Variants in COL4A2 observed in about 807,000 individuals in gnomAD.
The protein encoded by COL4A2 is collagen alpha-2(IV) chain.
COL4A2 carries 99 observed loss-of-function variants against 200.2 expected under a neutral mutation model. That is an observed-to-expected ratio of 0.49 (90% CI 0.42 to 0.58). The LOEUF (loss-of-function observed/expected upper bound fraction) is 0.58. Among genes scored for constraint, COL4A2 ranks in the 20% least tolerant of loss-of-function variants. The probability of loss-of-function intolerance (pLI) is 0.00; values close to 1 mark genes in which losing one functional copy is unlikely to be tolerated. For missense variants in COL4A2, 1,950 were observed against 2,314.1 expected, an observed-to-expected ratio of 0.84 and a Z score of 3.23; for synonymous variants, 897 against 900.6, an observed-to-expected ratio of 1.00 and a Z score of 0.07.
chr13:110,376,681 T>G (rs948911797), intron 4 of COL4A2, among the ~76,000 whole-genome samples: 3 of 152,192 alleles, frequency 2.0e-5, no homozygotes, highest in Non-Finnish European at 4.4e-5. Context: ...CAGATGCTAG[T>G]TCTGCAGGCC....
intron 3 of COL4A2, among the ~76,000 whole-genome samples, chr13:110,354,757 A>G (rs1877117973): frequency 6.6e-6 from 1 of 152,136 alleles, no homozygotes; most frequent in African/African-American, 2.4e-5. Context: ...GAAAGAAAAA[A>G]AAAATCACCC....
Position 110,480,425 on chromosome 13 carries a change from G to A in COL4A2, c.2758+35G>A, listed in dbSNP as rs185865259. ...TGACTGTGACCAGGGATCCCTTGGC[G>A]GGGAGGTTGGGTCTAATCAACTCTG... On this transcript the variant is annotated intron_variant, in intron 31 of 47. Coordinates refer to ENST00000360467, the MANE Select transcript of COL4A2 (RefSeq NM_001846.4). 195 of 1,580,048 alleles carry A rather than the reference G, an allele frequency of 1.2e-4. No homozygotes were observed. The Middle Eastern group carries it at 2.9e-3, about 23-fold the overall frequency.
At chr13:110,378,468 C>A (rs1336355602) in intron 4 of COL4A2, among the ~76,000 whole-genome samples, 1 of 152,232 alleles carries the variant, frequency 6.6e-6, no homozygotes, top group Non-Finnish European at 1.5e-5. Context: ...TGAGACAGAA[C>A]CAGGCCCTTT....
chr13:110,322,841 A>T (rs968451225), intron 3 of COL4A2, among the ~76,000 whole-genome samples: 1 of 152,220 alleles, frequency 6.6e-6, no homozygotes, highest in African/African-American at 2.4e-5. Context: ...TCAGTGTGTT[A>T]TTTAACTCTT....
rs559962687 is a variant in COL4A2 at position 110,379,720 on chromosome 13, A to G, written c.180+22168A>G. 3.2e-4 allele frequency among the ~76,000 whole-genome samples: 48 copies of G among 152,236 alleles called. 1 individual carries two copies. Among genetic ancestry groups the G allele is most frequent in the African/African-American group, 1.1e-3 (45 of 41,558 alleles). ...GCACATTAGTTAATCTCTTGGCACC[A>G]CCGTGTTTTATCTCTAAAATGGCAG... On this transcript the variant is annotated intron_variant, in intron 4 of 47. Coordinates refer to ENST00000360467, the MANE Select transcript of COL4A2 (RefSeq NM_001846.4).
At chr13:110,324,917 G>GGAA (rs1885367597) in intron 3 of COL4A2, among the ~76,000 whole-genome samples, 1 of 152,196 alleles carries the variant, frequency 6.6e-6, no homozygotes, top group South Asian at 2.1e-4. Flanking sequence ...TTGGTTCTTT[G>GGAA]GAAGGGTTAA....
chr13:110,472,113 CTTTTTA>C (rs1425799262), intron 28 of COL4A2, among the ~76,000 whole-genome samples: 9 of 145,962 alleles, frequency 6.2e-5, no homozygotes, highest in Admixed American at 5.4e-4. Flanking sequence ...TTTCTTTTTT[CTTTTTA>C]TTTTTTTCTC....
intron 3 of COL4A2, among the ~76,000 whole-genome samples, chr13:110,319,908 T>C (rs768521679): frequency 3.3e-5 from 5 of 152,204 alleles, no homozygotes; most frequent in Non-Finnish European, 7.3e-5. Flanking sequence ...CTCCTTCCTG[T>C]TGTAAAACAA....
chr13:110,336,297 G>A (rs959638398), intron 3 of COL4A2, among the ~76,000 whole-genome samples: 22 of 152,180 alleles, frequency 1.4e-4, no homozygotes, highest in African/African-American at 3.6e-4. Context: ...TCATAATGGC[G>A]CTGCACTCGG....
intron 15 of COL4A2, among the ~76,000 whole-genome samples, chr13:110,439,104 G>A (rs1301931775): frequency 1.3e-5 from 2 of 152,118 alleles, no homozygotes; most frequent in African/African-American, 4.8e-5. Flanking sequence ...AGGGGTCACC[G>A]TCCACGGTGA....
chr13:110,449,798 G>C lies in COL4A2; in HGVS notation c.1189+9G>C, dbSNP rs1881466483. On this transcript the variant is annotated intron_variant, in intron 19 of 47. Coordinates refer to ENST00000360467, the MANE Select transcript of COL4A2 (RefSeq NM_001846.4). ...CTCCATCGGAGATGGAGGTAATGTG[G>C]CTTCATAATATCAACACCGGAGACC... 3 of 1,546,322 alleles carry C rather than the reference G, an allele frequency of 1.9e-6. No homozygotes were observed. The highest frequency in any genetic ancestry group is 2.7e-5 in the African/African-American group (2 of 72,774).
intron 3 of COL4A2, among the ~76,000 whole-genome samples, chr13:110,333,524 G>T (rs1453717591): frequency 6.6e-6 from 1 of 152,108 alleles, no homozygotes; most frequent in Non-Finnish European, 1.5e-5. Flanking sequence ...TCTCTTCATG[G>T]GGGCGATTTC....
chr13:110,456,467 TG>T (rs1206006009), intron 20 of COL4A2: 3 of 322,944 alleles, frequency 9.3e-6, no homozygotes, highest in Non-Finnish European at 1.8e-5. Flanking sequence ...CCAAGTTACA[TG>T]ATCAAAAAAT....
chr13:110,512,047 C>T lies in COL4A2; in HGVS notation c.4995C>T (p.Cys1665=), dbSNP rs775925591. The T allele has an allele frequency of 3.1e-6, 5 of 1,613,804 alleles. No individual in the cohort carries two copies. The South Asian group carries it at 5.5e-5, about 18-fold the overall frequency. The change falls in exon 48 of 48, where the codon TGC becomes TGT. Residue 1665 remains cysteine, a synonymous_variant. Transcript: ENST00000360467. ...FIECNGGRGT[C]HYYANKYSFW... ...AATGCAATGGAGGCCGCGGCACCTG[C>T]CACTACTACGCCAACAAGTACAGCT...
chr13:110,504,141 C>T lies in COL4A2; in HGVS notation c.4286-7C>T. The T allele has an allele frequency of 6.2e-7, 1 of 1,613,256 alleles. No homozygotes were observed. Among genetic ancestry groups the T allele is most frequent in the Non-Finnish European group, 8.5e-7 (1 of 1,179,194 alleles). On this transcript the variant is annotated splice_polypyrimidine_tract_variant and splice_region_variant and intron_variant, in intron 44 of 47. Transcript: ENST00000360467. Reference sequence around the variant, plus strand: ...TCCAGCCATAACGCTTCTTTGGTGGCTTGCAGGTTTCCGTGGGGCTCCAGG... The same window carrying T: ...TCCAGCCATAACGCTTCTTTGGTGGTTTGCAGGTTTCCGTGGGGCTCCAGG...
intron 3 of COL4A2, among the ~76,000 whole-genome samples, chr13:110,354,374 C>G (rs1418797039): frequency 6.6e-6 from 1 of 152,138 alleles, no homozygotes; most frequent in Non-Finnish European, 1.5e-5. Flanking sequence ...AGTTGGATTT[C>G]TAGAAATCAC....
At chr13:110,324,731 C>G (rs1594146350) in intron 3 of COL4A2, among the ~76,000 whole-genome samples, 1 of 152,096 alleles carries the variant, frequency 6.6e-6, no homozygotes, top group South Asian at 2.1e-4. Flanking sequence ...CTTCTGGCCT[C>G]GGGATTGTTT....
At chr13:110,481,949 G>A (rs1391788217) in intron 31 of COL4A2, among the ~76,000 whole-genome samples, 2 of 97,252 alleles carry the variant, frequency 2.1e-5, no homozygotes, top group Admixed American at 1.9e-4. Context: ...CTGTCCCTCC[G>A]TGCTGGAGAC....
At chr13:110,333,822 C>T (rs1404767679) in intron 3 of COL4A2, among the ~76,000 whole-genome samples, 3 of 152,218 alleles carry the variant, frequency 2.0e-5, no homozygotes, top group Non-Finnish European at 4.4e-5. Flanking sequence ...AGAGCTCTTA[C>T]CTTGTGTGAT....
Sources: allele counts gnomAD v4.1 joint callset (sites outside exome capture counted in the v4.1 genomes callset), GRCh38; gene constraint gnomAD v4.1.1; transcripts MANE v1.5; gene names NCBI Gene and HGNC (gene_info 2026-07-23, HGNC 2026-07-21).